The following FAAH2 variants were observed in gnomAD, a reference collection of about 807,000 sequenced individuals.
The protein encoded by FAAH2 is fatty acid amide hydrolase 2, also known as fatty-acid amide hydrolase 2.
Under a neutral mutation model 36.9 loss-of-function variants are expected in FAAH2, and 60 were observed. The ratio of observed to expected loss-of-function variants is 1.63; its 90% CI spans 1.32 to 2.02. The LOEUF is 2.02. Ranked by LOEUF, FAAH2 falls within the 30% of genes most tolerant of loss-of-function variation. The pLI is 0.00. For missense variants in FAAH2, 689 were observed against 397.5 expected (o/e 1.73, Z -6.23); for synonymous variants, 214 against 143.8 (o/e 1.49, Z -3.49).
At chrX:57,123,452 G>A in the FAAH2 span, among the ~76,000 whole-genome samples, 14,888 of 111,621 alleles carry the variant, frequency 0.13, 2,041 homozygotes, top group African/African-American at 0.42. Context: ...GAATAGTGCC[G>A]CAATAAACGT....
intron 5 of FAAH2, among the ~76,000 whole-genome samples, chrX:57,364,289 G>T (rs1480410375): frequency 9.2e-6 from 1 of 109,206 alleles, no homozygotes. Context: ...TTGGGAGGTT[G>T]TGAGTTTCCA....
chrX:57,209,636 C>A, the FAAH2 span, among the ~76,000 whole-genome samples: 3 of 111,451 alleles, frequency 2.7e-5, no homozygotes, highest in African/African-American at 9.8e-5. Flanking sequence ...AGCTTTTTAG[C>A]CTGGAGTTAT....
At chrX:57,129,151 T>C in the FAAH2 span, among the ~76,000 whole-genome samples, 19 of 111,637 alleles carry the variant, frequency 1.7e-4, no homozygotes, top group African/African-American at 6.2e-4. Flanking sequence ...CAGAAAAGAG[T>C]GAGATCAGAT....
chrX:57,300,354 G>A (rs1023997477), intron 2 of FAAH2, among the ~76,000 whole-genome samples: 51 of 111,777 alleles, frequency 4.6e-4, no homozygotes, highest in African/African-American at 1.4e-3. Context: ...CAAGCAATGC[G>A]GAAAGGATTC....
intron 8 of FAAH2, among the ~76,000 whole-genome samples, chrX:57,437,520 A>G (rs189914538): frequency 1.6e-4 from 18 of 109,889 alleles, no homozygotes; most frequent in African/African-American, 5.6e-4. Context: ...TTGATAAAAG[A>G]ATTCAGTAAA....
At chrX:57,235,405 G>T in the FAAH2 span, among the ~76,000 whole-genome samples, 2 of 111,450 alleles carry the variant, frequency 1.8e-5, no homozygotes, top group Non-Finnish European at 3.8e-5. Context: ...GTATCTTGTT[G>T]CTACAAAAAG....
rs145429216 is a variant in FAAH2, at chrX:57,405,424, C to G, written c.996+24395C>G. ...GTGTTCAGCTTGATAAGGACGAACC[C>G]AGGCACTTAGCCATGCAGGAACAGT... On this transcript the variant is annotated intron_variant, in intron 7 of 10. Transcript: ENST00000374900. Among the ~76,000 whole-genome samples, 459 of 110,658 alleles carry G rather than the reference C, an allele frequency of 4.1e-3. 3 individuals are homozygous for G. Among genetic ancestry groups the G allele is most frequent in the African/African-American group, 0.014 (440 of 30,353 alleles).
At chrX:57,123,940 C>G in the FAAH2 span, among the ~76,000 whole-genome samples, 1 of 111,595 alleles carries the variant, frequency 9.0e-6, no homozygotes, top group Non-Finnish European at 1.9e-5. Flanking sequence ...AAACTTTCTC[C>G]CATTCTGTAG....
At chrX:57,442,701 G>A (rs189619817) in intron 8 of FAAH2, among the ~76,000 whole-genome samples, 2 of 111,902 alleles carry the variant, frequency 1.8e-5, no homozygotes, top group Admixed American at 9.5e-5. Flanking sequence ...TTTCTTTTTA[G>A]CATTGACAGT....
the FAAH2 span, among the ~76,000 whole-genome samples, chrX:57,226,334 T>A: frequency 1.8e-5 from 2 of 112,272 alleles, no homozygotes; most frequent in Non-Finnish European, 3.8e-5. Context: ...GTTCTTGTAA[T>A]GGTGGCTTTG....
chrX:57,400,983 TGTG>T (rs1359592339), intron 7 of FAAH2, among the ~76,000 whole-genome samples: 2 of 110,385 alleles, frequency 1.8e-5, no homozygotes, highest in Admixed American at 9.6e-5. Context: ...ATTAGCCAGG[TGTG>T]GTGGCGGGCG....
At chrX:57,378,237 G>A (rs1449994603) in intron 5 of FAAH2, among the ~76,000 whole-genome samples, 1 of 111,873 alleles carries the variant, frequency 8.9e-6, no homozygotes, top group East Asian at 2.8e-4. Context: ...TAGGTATCAG[G>A]TTGCAGAGAG....
chrX:57,190,326 G>T, the FAAH2 span, among the ~76,000 whole-genome samples: 1 of 109,896 alleles, frequency 9.1e-6, no homozygotes, highest in Non-Finnish European at 1.9e-5. Context: ...TTCTTAGCTT[G>T]CTGGGCTCTG....
At chrX:57,371,419 A>G (rs2054547419) in intron 5 of FAAH2, among the ~76,000 whole-genome samples, 1 of 111,803 alleles carries the variant, frequency 8.9e-6, no homozygotes, top group African/African-American at 3.2e-5. Flanking sequence ...CTGCAAATGA[A>G]TTCATTCTTT....
At chrX:57,323,128 C>T (rs964797822) in intron 3 of FAAH2, among the ~76,000 whole-genome samples, 1 of 110,902 alleles carries the variant, frequency 9.0e-6, no homozygotes, top group African/African-American at 3.3e-5. Context: ...ATGATGGTTT[C>T]CAGCTTCATC....
chrX:57,286,613 T>C, upstream of FAAH2: 2 of 328,572 alleles, frequency 6.1e-6, no homozygotes, highest in East Asian at 4.7e-5. Flanking sequence ...ACAGGTAGCA[T>C]TGCACACAGG....
chrX:57,485,796 A>T (rs1161309308), intron 10 of FAAH2, among the ~76,000 whole-genome samples: 2 of 111,975 alleles, frequency 1.8e-5, no homozygotes, highest in African/African-American at 3.2e-5. Context: ...AATTATTTGT[A>T]ATTTTTGTGT....
chrX:57,468,819 A>C, intron 10 of FAAH2, among the ~76,000 whole-genome samples: 1 of 111,833 alleles, frequency 8.9e-6, no homozygotes, highest in Non-Finnish European at 1.9e-5. Context: ...TGTTGAAATG[A>C]AGGAAAAAAT....
chrX:57,146,384 T>C, the FAAH2 span, among the ~76,000 whole-genome samples: 2 of 111,840 alleles, frequency 1.8e-5, no homozygotes, highest in Admixed American at 9.5e-5. Flanking sequence ...TGTTGGTGTA[T>C]AGCAGAGCTA....
Sources: gnomAD v4.1 joint callset for allele counts (sites outside exome capture counted in the v4.1 genomes callset) on GRCh38, gnomAD v4.1.1 for gene constraint, MANE v1.5 for transcripts, NCBI Gene and HGNC (gene_info 2026-07-23, HGNC 2026-07-21) for gene names.